PTPRS: variants seen among roughly 807,000 people sequenced by gnomAD.
The protein encoded by PTPRS is protein tyrosine phosphatase receptor type S.
Under a neutral mutation model 215.3 loss-of-function variants are expected in PTPRS, and 63 were observed. The ratio of observed to expected loss-of-function variants is 0.29; its 90% CI spans 0.24 to 0.36. PTPRS has a LOEUF of 0.36. PTPRS is among the 10% of genes least tolerant of loss of function. The probability of loss-of-function intolerance (pLI) is 1.00; values close to 1 mark genes in which losing one functional copy is unlikely to be tolerated. For synonymous variants in PTPRS, 1,404 were observed against 1,191.4 expected, an observed-to-expected ratio of 1.18 and a Z score of -3.68; for missense variants, 2,258 against 2,825.8, an observed-to-expected ratio of 0.80 and a Z score of 4.56.
chr19:5,319,984 C>G (rs1341335616), intron 1 of PTPRS, among the ~76,000 whole-genome samples: 1 of 152,192 alleles, frequency 6.6e-6, no homozygotes, highest in Non-Finnish European at 1.5e-5. Flanking sequence ...AAGCCATCCC[C>G]TTTATTGCTT....
chr19:5,216,648 G>T, intron 26 of PTPRS, 72 bp downstream of exon 26: 7 of 1,275,462 alleles, frequency 5.5e-6, no homozygotes, highest in Non-Finnish European at 7.8e-6. Context: ...CAGGAGACAC[G>T]ATGGAGAAAC....
intron 16 of PTPRS, among the ~76,000 whole-genome samples, chr19:5,228,345 GAGAAAA>G (rs2042694476): frequency 3.0e-5 from 1 of 33,244 alleles, no homozygotes; most frequent in African/African-American, 9.5e-5. Flanking sequence ...ACTCCGTCTG[GAGAAAA>G]AAAAAAAAAA....
intron 16 of PTPRS, among the ~76,000 whole-genome samples, chr19:5,227,339 C>CCATGCCCTGCCGATG (rs1268061118): frequency 6.6e-6 from 1 of 151,850 alleles, no homozygotes; most frequent in African/African-American, 2.4e-5. Context: ...GCGTGAGCCA[C>CCATGCCCTGCCGATG]TGTGCCTGGC....
rs2049099655 is a variant in PTPRS at position 5,295,190 on chromosome 19, G to A, written c.-94-8956C>T. ...TCTCGGGCCGACAGTTTCCCCATCT[G>A]CCACATAAGCCAAGCACTGAACAGG... On this transcript the variant is annotated intron_variant, in intron 1 of 37. Coordinates refer to ENST00000262963, the MANE Select transcript of PTPRS (RefSeq NM_002850.4). This position sits in a 1 kb window ranked among gnomAD's most constrained non-coding sequence, Gnocchi z 4.6. Among the ~76,000 whole-genome samples the A allele has an allele frequency of 6.6e-6, 1 of 152,218 alleles. No individual in the cohort carries two copies. The highest frequency in any genetic ancestry group is 2.1e-4 in the South Asian group (1 of 4,828).
At chr19:5,247,194 T>TTAATAATAATAA (rs112152247) in intron 9 of PTPRS, among the ~76,000 whole-genome samples, 2 of 147,742 alleles carry the variant, frequency 1.4e-5, no homozygotes, top group African/African-American at 4.9e-5. Context: ...AAATAGTATA[T>TTAATAATAATAA]TAATAATAAT....
Position 5,206,511 on chromosome 19 carries a change from A to T in PTPRS, c.*263T>A. The T allele has an allele frequency of 4.7e-6, 1 of 213,666 alleles. No individual in the cohort carries two copies. Among genetic ancestry groups the T allele is most frequent in the Non-Finnish European group, 9.5e-6 (1 of 105,516 alleles). 13.2% of individuals were successfully genotyped at this position (213,666 alleles called of 1,614,324 possible). On this transcript the variant is annotated 3_prime_UTR_variant, in exon 38 of 38. Coordinates refer to ENST00000262963, the MANE Select transcript of PTPRS (RefSeq NM_002850.4). ...ACCATCCCCCCACCCCCCACCCCGG[A>T]ATCTGGTTTTGGAATTGGAAGGAAA...
intron 1 of PTPRS, among the ~76,000 whole-genome samples, chr19:5,299,703 C>T (rs1280667433): frequency 3.3e-5 from 5 of 152,068 alleles, no homozygotes; most frequent in African/African-American, 1.2e-4. Flanking sequence ...GAAACCCCAT[C>T]TCTACTAAAA....
chr19:5,206,060 T>TAAAAAAA lies in PTPRS; in HGVS notation c.*707_*713dup, dbSNP rs545658474. On this transcript the variant is annotated 3_prime_UTR_variant, in exon 38 of 38. Coordinates refer to ENST00000262963, the MANE Select transcript of PTPRS (RefSeq NM_002850.4). ...CACACTTTCTGATGGTAGGAAAAATTAAAAAAAAAAAAAAAAAAAAAAAAG... is the reference window on the plus strand; with the variant it reads ...CACACTTTCTGATGGTAGGAAAAATTAAAAAAAAAAAAAAAAAAAAAAAAAAAAAAAG... 7.1e-5 allele frequency among the ~76,000 whole-genome samples: 5 copies of TAAAAAAA among 70,256 alleles called. No homozygotes were observed. Among genetic ancestry groups the TAAAAAAA allele is most frequent in the African/African-American group, 1.6e-4 (3 of 18,970 alleles). 46.1% of individuals were successfully genotyped at this position (70,256 alleles called of 152,430 possible). A position where few individuals can be genotyped will look rare whatever the true frequency, so the allele number is the denominator to read the frequency against.
At chr19:5,313,187 G>C (rs1368788832) in intron 1 of PTPRS, among the ~76,000 whole-genome samples, 1 of 152,226 alleles carries the variant, frequency 6.6e-6, no homozygotes, top group Non-Finnish European at 1.5e-5. Context: ...AAAGTGCTGG[G>C]ATGACAGGCA....
intron 1 of PTPRS, among the ~76,000 whole-genome samples, chr19:5,327,806 G>A (rs941141216): frequency 1.3e-5 from 2 of 152,012 alleles, no homozygotes; most frequent in African/African-American, 2.4e-5. Flanking sequence ...TTCCTATGTT[G>A]CCCAGGTTGG....
chr19:5,294,082 C>T lies in PTPRS; in HGVS notation c.-94-7848G>A, dbSNP rs566453876. ...CTGGGGACGGGACAGGGGCAGAGGCCGGGATGGAGACCCAAGGGCTCCCGC... is the reference window on the plus strand; with the variant it reads ...CTGGGGACGGGACAGGGGCAGAGGCTGGGATGGAGACCCAAGGGCTCCCGC... On this transcript the variant is annotated intron_variant, in intron 1 of 37. Coordinates refer to ENST00000262963, the MANE Select transcript of PTPRS (RefSeq NM_002850.4). The surrounding 1 kb of genome is among the most constrained non-coding windows in gnomAD (Gnocchi z 5.1). 1.3e-3 allele frequency among the ~76,000 whole-genome samples: 203 copies of T among 152,106 alleles called. No individual in the cohort carries two copies. Among genetic ancestry groups the T allele is most frequent in the African/African-American group, 4.7e-3 (195 of 41,542 alleles).
intron 1 of PTPRS, among the ~76,000 whole-genome samples, chr19:5,337,111 C>G (rs1400152207): frequency 9.2e-5 from 14 of 152,194 alleles, no homozygotes. Flanking sequence ...CAAGATCTTC[C>G]CGTGGCTCCG....
rs80144680 is a variant in PTPRS at position 5,219,745 on chromosome 19, C to T, written c.3765+194G>A. On this transcript the variant is annotated intron_variant, in intron 22 of 37. Coordinates refer to ENST00000262963, the MANE Select transcript of PTPRS (RefSeq NM_002850.4). ...TGTTGAACTCCTACTCACCCCTCAACGCCCCAGCTCCAAGGTCTCTTCCTC... is the reference window on the plus strand; with the variant it reads ...TGTTGAACTCCTACTCACCCCTCAATGCCCCAGCTCCAAGGTCTCTTCCTC... Among the ~76,000 whole-genome samples the T allele has an allele frequency of 3.7e-3, 556 of 152,326 alleles. 3 individuals are homozygous for T. Among genetic ancestry groups the T allele is most frequent in the African/African-American group, 0.012 (511 of 41,572 alleles).
At chr19:5,259,071 T>C (rs758399022) in intron 7 of PTPRS, among the ~76,000 whole-genome samples, 1 of 152,190 alleles carries the variant, frequency 6.6e-6, no homozygotes, top group East Asian at 1.9e-4. Context: ...AGGGGTCTGA[T>C]TGAAAGCCTC....
intron 4 of PTPRS, among the ~76,000 whole-genome samples, chr19:5,268,384 T>C (rs533628643): frequency 1.3e-5 from 2 of 151,846 alleles, no homozygotes; most frequent in African/African-American, 4.8e-5. Flanking sequence ...TGTTTCTGTT[T>C]GTTTAAAGAA....
chr19:5,305,939 CAAAAAAAAA>C (rs35165317), intron 1 of PTPRS, among the ~76,000 whole-genome samples: 28 of 22,644 alleles, frequency 1.2e-3, no homozygotes, highest in African/African-American at 3.8e-3. Context: ...GACTCCGTCT[CAAAAAAAAA>C]AAAAAAAAAA....
At chr19:5,259,880 T>A (rs1017196418) in intron 7 of PTPRS, among the ~76,000 whole-genome samples, 4 of 152,204 alleles carry the variant, frequency 2.6e-5, no homozygotes, top group East Asian at 3.8e-4. Context: ...CTATTCTCCC[T>A]GGACCTCGAG....
chr19:5,240,928 C>A (rs2043987740), intron 11 of PTPRS, among the ~76,000 whole-genome samples: 1 of 134,424 alleles, frequency 7.4e-6, no homozygotes, highest in African/African-American at 2.8e-5. Flanking sequence ...CTCACTCTGT[C>A]ACCCAGGCTG....
At chr19:5,330,076 CAAAAAAAAA>C (rs10690740) in intron 1 of PTPRS, among the ~76,000 whole-genome samples, 2 of 74,470 alleles carry the variant, frequency 2.7e-5, no homozygotes, top group Non-Finnish European at 5.3e-5. Context: ...GACTCTGTCT[CAAAAAAAAA>C]AAAAAAAAAA....
Sources: allele counts gnomAD v4.1 joint callset (sites outside exome capture counted in the v4.1 genomes callset), GRCh38; gene constraint gnomAD v4.1.1; non-coding constraint Gnocchi (gnomAD v3.1); transcripts MANE v1.5; gene names NCBI Gene and HGNC (gene_info 2026-07-23, HGNC 2026-07-21).